The following CAMK1D variants were observed in gnomAD, a reference collection of about 807,000 sequenced individuals.
The protein encoded by CAMK1D is calcium/calmodulin-dependent protein kinase type 1D.
A neutral mutation model predicts 47.7 loss-of-function variants in CAMK1D; 9 were observed. The ratio of observed to expected loss-of-function variants is 0.19; its 90% CI spans 0.11 to 0.33. The LOEUF is 0.33. Among genes scored for constraint, CAMK1D ranks in the 10% least tolerant of loss-of-function variants. The pLI, the probability that CAMK1D is intolerant of heterozygous loss-of-function variation, is 1.00. For synonymous variants in CAMK1D, 184 were observed against 184.9 expected, an observed-to-expected ratio of 0.99 and a Z score of 0.04; for missense variants, 291 against 488.7, an observed-to-expected ratio of 0.60 and a Z score of 3.81.
chr10:12,369,781 A>T, intron 1 of CAMK1D, among the ~76,000 whole-genome samples: 1 of 152,012 alleles, frequency 6.6e-6, no homozygotes, highest in East Asian at 1.9e-4. Context: ...CAACATGGTG[A>T]AACCCCGTCT....
At chr10:12,705,734 CTGA>C (rs1833706284) in intron 3 of CAMK1D, among the ~76,000 whole-genome samples, 1 of 152,180 alleles carries the variant, frequency 6.6e-6, no homozygotes, top group African/African-American at 2.4e-5. Flanking sequence ...TTGCCAAGGG[CTGA>C]GACATGCTTT....
intron 1 of CAMK1D, among the ~76,000 whole-genome samples, chr10:12,365,770 G>C (rs115121204): frequency 0.013 from 1,975 of 152,196 alleles, 44 homozygotes; most frequent in African/African-American, 0.045. Flanking sequence ...GTTTCCTTCT[G>C]TGCTGGCTGG....
At chr10:12,442,006 T>TG (rs1485321054) in intron 1 of CAMK1D, among the ~76,000 whole-genome samples, 1 of 151,996 alleles carries the variant, frequency 6.6e-6, no homozygotes, top group African/African-American at 2.4e-5. Flanking sequence ...CACAATAATG[T>TG]GGGGAAAAAA....
chr10:12,502,775 G>A (rs1223431031), intron 1 of CAMK1D, among the ~76,000 whole-genome samples: 3 of 152,234 alleles, frequency 2.0e-5, no homozygotes, highest in Non-Finnish European at 2.9e-5. Context: ...GGAAGGAGGT[G>A]TGTGTAGGAC....
At chr10:12,549,916 C>T (rs531207621) in intron 1 of CAMK1D, among the ~76,000 whole-genome samples, 2 of 152,202 alleles carry the variant, frequency 1.3e-5, no homozygotes, top group Non-Finnish European at 2.9e-5. Flanking sequence ...GCGGCAACCT[C>T]GCTTCTCACT....
At chr10:12,798,121 C>T (rs369727808) in intron 6 of CAMK1D, among the ~76,000 whole-genome samples, 1 of 152,206 alleles carries the variant, frequency 6.6e-6, no homozygotes, top group Non-Finnish European at 1.5e-5. Flanking sequence ...GGCTCACAGC[C>T]GTCACTTTTG....
intron 2 of CAMK1D, among the ~76,000 whole-genome samples, chr10:12,632,999 C>G (rs1839423560): frequency 6.6e-6 from 1 of 152,116 alleles, no homozygotes; most frequent in South Asian, 2.1e-4. Flanking sequence ...GGCTGAGTGT[C>G]CTGTCTTATG....
Position 12,796,799 on chromosome 10 carries a change from AT to A in CAMK1D, c.641+5570del, listed in dbSNP as rs376303816. Among the ~76,000 whole-genome samples the A allele has an allele frequency of 1.3e-3, 194 of 152,082 alleles. 3 individuals are homozygous for A. Among genetic ancestry groups the A allele is most frequent in the African/African-American group, 4.5e-3 (186 of 41,494 alleles). ...AGGCCACTGTGGGCCCATGGTCTGGATTTTGGCTTTAGAAATTTGGAAACTT... is the reference window on the plus strand; with the variant it reads ...AGGCCACTGTGGGCCCATGGTCTGGATTTGGCTTTAGAAATTTGGAAACTT... On this transcript the variant is annotated intron_variant, in intron 6 of 10. Coordinates refer to ENST00000619168, the MANE Select transcript of CAMK1D (RefSeq NM_153498.4).
chr10:12,627,332 G>A (rs887050367), intron 2 of CAMK1D, among the ~76,000 whole-genome samples: 1 of 151,940 alleles, frequency 6.6e-6, no homozygotes, highest in East Asian at 1.9e-4. Context: ...TGATCTGCCC[G>A]CCTCTGCCTC....
Position 12,430,951 on chromosome 10 carries a change from T to C in CAMK1D, c.92+81041T>C, listed in dbSNP as rs1480459487. Among the ~76,000 whole-genome samples the C allele has an allele frequency of 4.6e-5, 7 of 152,222 alleles. No homozygotes were observed. The East Asian group carries it at 1.3e-3, about 29-fold the overall frequency. On this transcript the variant is annotated intron_variant, in intron 1 of 10. Coordinates refer to ENST00000619168, the MANE Select transcript of CAMK1D (RefSeq NM_153498.4). ...TTTTAGTAGAGACGGGATTTCGCCA[T>C]GCTGGCCAGGCTGGTTTCAAACTCC...
At chr10:12,499,610 A>G (rs992031052) in intron 1 of CAMK1D, among the ~76,000 whole-genome samples, 6 of 152,202 alleles carry the variant, frequency 3.9e-5, no homozygotes, top group African/African-American at 1.4e-4. Flanking sequence ...CTGGAAGCAC[A>G]CAAAGGAAGG....
At chr10:12,375,158 G>T (rs1320908379) in intron 1 of CAMK1D, among the ~76,000 whole-genome samples, 2 of 152,058 alleles carry the variant, frequency 1.3e-5, no homozygotes, top group Non-Finnish European at 2.9e-5. Flanking sequence ...GAGAGCAGGG[G>T]ACACTTTCTT....
intron 1 of CAMK1D, among the ~76,000 whole-genome samples, chr10:12,466,981 T>C (rs899484988): frequency 3.9e-5 from 6 of 152,166 alleles, no homozygotes; most frequent in African/African-American, 1.4e-4. Context: ...TGACTCATTT[T>C]GAAGCAAAGC....
intron 1 of CAMK1D, among the ~76,000 whole-genome samples, chr10:12,384,294 A>G (rs1282536860): frequency 6.6e-6 from 1 of 152,244 alleles, no homozygotes; most frequent in Non-Finnish European, 1.5e-5. Context: ...ATTAATCTAT[A>G]GATTAAACAC....
At chr10:12,503,093 T>G (rs892035729) in intron 1 of CAMK1D, among the ~76,000 whole-genome samples, 1 of 152,222 alleles carries the variant, frequency 6.6e-6, no homozygotes, top group African/African-American at 2.4e-5. Context: ...CATGTGCTTA[T>G]GTATGCAAGC....
At chr10:12,704,901 T>C (rs922996248) in intron 3 of CAMK1D, among the ~76,000 whole-genome samples, 9 of 152,202 alleles carry the variant, frequency 5.9e-5, no homozygotes, top group African/African-American at 2.2e-4. Context: ...GGCAATAATA[T>C]TGGTTCTAGG....
rs577942446 is a variant in CAMK1D, at chr10:12,534,327, A to T, written c.93-18898A>T. On this transcript the variant is annotated intron_variant, in intron 1 of 10. Transcript: ENST00000619168. The stretch of plus-strand genomic sequence containing the variant: ...CAGGTTCAAGTGATTCTCCTGCCTC[A>T]GCCTCCCCAGTAGCTGGGATTATAG... Among the ~76,000 whole-genome samples the T allele has an allele frequency of 1.4e-4, 21 of 152,198 alleles. No individual in the cohort carries two copies. In the East Asian group the frequency reaches 3.5e-3, roughly 25 times the overall value.
chr10:12,367,697 T>A (rs1837877929), intron 1 of CAMK1D, among the ~76,000 whole-genome samples: 1 of 152,040 alleles, frequency 6.6e-6, no homozygotes, highest in Admixed American at 6.6e-5. Flanking sequence ...GGGCTTGTGT[T>A]CTGATGAGAC....
intron 1 of CAMK1D, among the ~76,000 whole-genome samples, chr10:12,406,504 C>T (rs1839429508): frequency 6.6e-6 from 1 of 151,434 alleles, no homozygotes; most frequent in African/African-American, 2.4e-5. Context: ...CTCAGGAGTT[C>T]GAGACCAGCC....
Sources: allele counts gnomAD v4.1 joint callset (sites outside exome capture counted in the v4.1 genomes callset), GRCh38; gene constraint gnomAD v4.1.1; transcripts MANE v1.5; gene names NCBI Gene and HGNC (gene_info 2026-07-23, HGNC 2026-07-21).